Variants in SMARCC1 observed in about 807,000 individuals in gnomAD.
The protein encoded by SMARCC1 is SWI/SNF complex subunit SMARCC1.
A neutral mutation model predicts 147.4 loss-of-function variants in SMARCC1; 43 were observed. The observed-to-expected ratio is 0.29, with a 90% CI of 0.23 to 0.38. The LOEUF (loss-of-function observed/expected upper bound fraction) is 0.38. Ranked by LOEUF, SMARCC1 falls within the 10% of genes least tolerant of loss-of-function variation. The pLI is 1.00. For synonymous variants in SMARCC1, 495 were observed against 484.4 expected (o/e 1.02, Z -0.29); for missense variants, 1,119 against 1,381.1 (o/e 0.81, Z 3.01).
At chr3:47,615,977 C>A (rs6774170) in intron 25 of SMARCC1, among the ~76,000 whole-genome samples, 90,570 of 152,144 alleles carry the variant, frequency 0.6, 28,217 homozygotes, top group East Asian at 0.72. Context: ...AGCCACAGCA[C>A]CCAGCCTCTG....
chr3:47,749,557 C>T lies in SMARCC1; in HGVS notation c.316-3564G>A, dbSNP rs374332884. Among the ~76,000 whole-genome samples the T allele has an allele frequency of 1.3e-3, 198 of 151,814 alleles. 4 individuals carry two copies. In the South Asian group the frequency reaches 0.039, roughly 30 times the overall value. ...TGGCACATGCCTGTGGTCCCAGCAA[C>T]TCAGGAGGCTGAGGTAAATGGATTG... On this transcript the variant is annotated intron_variant, in intron 2 of 27. Coordinates refer to ENST00000254480, the MANE Select transcript of SMARCC1 (RefSeq NM_003074.4).
In SMARCC1 at chr3:47,678,324, G is replaced by A. The variant is rs1433265081; in HGVS notation, c.1458-13C>T. On this transcript the variant is annotated splice_polypyrimidine_tract_variant and intron_variant, in intron 15 of 27. Coordinates refer to ENST00000254480, the MANE Select transcript of SMARCC1 (RefSeq NM_003074.4). ...ATATGCCAAGTATCTAAAAAGCAAT[G>A]GCAAAATTCATAAGGTGGACATGTA... 4 of 1,423,818 alleles carry A rather than the reference G, an allele frequency of 2.8e-6. No individual in the cohort carries two copies. The highest frequency in any genetic ancestry group is 2.4e-5 in the East Asian group (1 of 42,114). The allele number at this position is 1,423,818 out of a possible 1,614,324, so 88.2% of individuals were successfully genotyped here. A position where few individuals can be genotyped will look rare whatever the true frequency, so the allele number is the denominator to read the frequency against.
chr3:47,689,870 A>G (rs2033770814), intron 12 of SMARCC1, among the ~76,000 whole-genome samples: 1 of 152,230 alleles, frequency 6.6e-6, no homozygotes, highest in South Asian at 2.1e-4. Context: ...AGGGCTTAGC[A>G]TGAAAGAAAG....
intron 22 of SMARCC1, 138 bp downstream of exon 22, chr3:47,638,586 TA>T: frequency 1.5e-6 from 1 of 683,572 alleles, no homozygotes; most frequent in East Asian, 2.5e-5. Context: ...CTGTGAGAAC[TA>T]TACCTTAAAC....
At chr3:47,741,627 C>G (rs1043698006) in intron 3 of SMARCC1, among the ~76,000 whole-genome samples, 1 of 151,804 alleles carries the variant, frequency 6.6e-6, no homozygotes, top group Non-Finnish European at 1.5e-5. Flanking sequence ...GATACACTTC[C>G]ATTTAATGAA....
intron 24 of SMARCC1, among the ~76,000 whole-genome samples, chr3:47,634,482 T>C (rs933736579): frequency 5.9e-5 from 9 of 152,220 alleles, no homozygotes; most frequent in Admixed American, 3.3e-4. Context: ...CAAAATAAAA[T>C]GATTAGCAAT....
chr3:47,587,055 G>C lies in SMARCC1; in HGVS notation c.*1154C>G, dbSNP rs1185580143. On this transcript the variant is annotated 3_prime_UTR_variant, in exon 28 of 28. Coordinates refer to ENST00000254480, the MANE Select transcript of SMARCC1 (RefSeq NM_003074.4). ...GGAATGTGAGATCTCAGAAATGGAA[G>C]GGAGAAGGTATAAGGAGCTAATATC... The C allele has an allele frequency of 6.6e-6, 1 of 152,532 alleles. No homozygotes were observed. Among genetic ancestry groups the C allele is most frequent in the East Asian group, 1.9e-4 (1 of 5,176 alleles). The allele number at this position is 152,532 out of a possible 1,614,324, so 9.4% of individuals were successfully genotyped here.
At chr3:47,597,737 T>A (rs1350284627) in intron 26 of SMARCC1, among the ~76,000 whole-genome samples, 3 of 152,190 alleles carry the variant, frequency 2.0e-5, no homozygotes, top group Non-Finnish European at 2.9e-5. Flanking sequence ...GCTGGGACTA[T>A]GGGTGTGAGC....
At chr3:47,591,554 C>CTT (rs372133819) in intron 26 of SMARCC1, among the ~76,000 whole-genome samples, 30 of 148,028 alleles carry the variant, frequency 2.0e-4, no homozygotes, top group African/African-American at 7.1e-4. Flanking sequence ...TTGTTTCTTT[C>CTT]TTTTTTTTTT....
In SMARCC1 at chr3:47,675,510, G is replaced by A. The variant is rs2033557191; in HGVS notation, c.1804C>T (p.Arg602Cys). The A allele has an allele frequency of 6.2e-7, 1 of 1,610,518 alleles. No individual in the cohort carries two copies. The highest frequency in any genetic ancestry group is 8.5e-7 in the Non-Finnish European group (1 of 1,176,798). ...KPVDLQNFGL[R>C]TDIYSKKTLA... The stretch of plus-strand genomic sequence containing the variant: ...GTTTTCTTGGAGTAAATGTCAGTAC[G>A]GAGACCAAAGTTCTGCAAATCAACT... Residue 602 changes from arginine (R) to cysteine (C), a missense_variant, in exon 18 of 28, where the codon CGT becomes TGT. Around this residue, in one of 6 missense-constraint regions of SMARCC1, gnomAD observed 178 missense variants for 264.6 expected, o/e 0.67. Transcript: ENST00000254480.
At chr3:47,608,295 C>A (rs1244912388) in intron 26 of SMARCC1, among the ~76,000 whole-genome samples, 2 of 118,138 alleles carry the variant, frequency 1.7e-5, no homozygotes, top group African/African-American at 5.7e-5. Flanking sequence ...GCCATTTTGG[C>A]CAAGCTGGTC....
At chr3:47,610,360 C>T (rs754668527) in intron 25 of SMARCC1, 33 bp from the exon 26 acceptor site, 8 of 1,612,566 alleles carry the variant, frequency 5.0e-6, no homozygotes, top group East Asian at 4.5e-5. Context: ...AGAAATGACA[C>T]CAGAAGAGGC....
At chr3:47,610,434 C>G in intron 25 of SMARCC1, 107 bp from the exon 26 acceptor site, 1 of 1,132,562 alleles carries the variant, frequency 8.8e-7, no homozygotes, top group South Asian at 1.4e-5. Context: ...TCCCATCACA[C>G]TGACATCACC....
chr3:47,599,426 T>G (rs2032351053), intron 26 of SMARCC1, among the ~76,000 whole-genome samples: 1 of 152,214 alleles, frequency 6.6e-6, no homozygotes. Context: ...GTAGGAAACA[T>G]GTGCTATGCC....
At chr3:47,619,820 G>A (rs1311640938) in intron 25 of SMARCC1, among the ~76,000 whole-genome samples, 1 of 152,178 alleles carries the variant, frequency 6.6e-6, no homozygotes, top group East Asian at 1.9e-4. Context: ...GAGAGCTACT[G>A]AAGCAGCCTC....
intron 7 of SMARCC1, among the ~76,000 whole-genome samples, chr3:47,715,045 A>G (rs1363236241): frequency 2.6e-5 from 4 of 152,060 alleles, no homozygotes; most frequent in Admixed American, 2.6e-4. Context: ...TAGTCCTTAT[A>G]TTCACCAGCC....
At position 47,761,136 on chromosome 3, in the gene SMARCC1, A is replaced by AAAAAGAAAAG. The variant is rs61023655; in HGVS notation, c.315+11671_315+11680dup. ...TAACAGAGCAAGACTCTGTCTAAAAAAAAAGAAAAGAAAAGAAAAGCCAGG... is the reference window on the plus strand; with the variant it reads ...TAACAGAGCAAGACTCTGTCTAAAAAAAAAGAAAAGAAAAGAAAAGAAAAGAAAAGCCAGG... On this transcript the variant is annotated intron_variant, in intron 2 of 27. Transcript: ENST00000254480. Among the ~76,000 whole-genome samples, 15 of 149,888 alleles carry AAAAAGAAAAG rather than the reference A, an allele frequency of 1.0e-4. No homozygotes were observed. The South Asian group carries it at 2.3e-3, about 23-fold the overall frequency.
chr3:47,760,263 G>C (rs796785453), intron 2 of SMARCC1, among the ~76,000 whole-genome samples: 18 of 152,304 alleles, frequency 1.2e-4, no homozygotes, highest in Non-Finnish European at 2.4e-4. Flanking sequence ...AGTGAGCCAG[G>C]ATCGTACCAC....
intron 6 of SMARCC1, among the ~76,000 whole-genome samples, chr3:47,724,600 T>A (rs1265609643): frequency 6.6e-6 from 1 of 152,232 alleles, no homozygotes; most frequent in Non-Finnish European, 1.5e-5. Context: ...CATCCACTAT[T>A]GCTAGCATTA....
Sources: gnomAD v4.1 joint callset for allele counts (sites outside exome capture counted in the v4.1 genomes callset) on GRCh38, gnomAD v4.1.1 for gene constraint, gnomAD v4.1.1 regional missense constraint, MANE v1.5 for transcripts, NCBI Gene and HGNC (gene_info 2026-07-23, HGNC 2026-07-21) for gene names.